The following ASXL3 variants were observed in gnomAD, a reference collection of about 807,000 sequenced individuals.
ASXL3 encodes ASXL transcriptional regulator 3.
A neutral mutation model predicts 170.6 loss-of-function variants in ASXL3; 34 were observed. The ratio of observed to expected loss-of-function variants is 0.20; its 90% CI spans 0.15 to 0.27. The LOEUF (loss-of-function observed/expected upper bound fraction) is 0.27. Among genes scored for constraint, ASXL3 ranks in the 10% least tolerant of loss-of-function variants. ASXL3 has a pLI of 1.00. For missense variants in ASXL3, 2,592 were observed against 2,695.3 expected, an observed-to-expected ratio of 0.96 and a Z score of 0.85; for synonymous variants, 1,002 against 989.1, an observed-to-expected ratio of 1.01 and a Z score of -0.24.
chr18:33,665,395 T>C (rs1164854895), intron 5 of ASXL3, among the ~76,000 whole-genome samples: 9 of 152,206 alleles, frequency 5.9e-5, no homozygotes, highest in African/African-American at 2.2e-4. Flanking sequence ...GATAGTAGTT[T>C]CTGAACATGG....
chr18:33,596,333 C>T (rs2065126479), intron 1 of ASXL3, among the ~76,000 whole-genome samples: 1 of 152,052 alleles, frequency 6.6e-6, no homozygotes, highest in African/African-American at 2.4e-5. Context: ...ATGGTAATGG[C>T]AAATTTTATT....
chr18:33,582,733 TG>T (rs879341513), intron 1 of ASXL3, among the ~76,000 whole-genome samples: 3,899 of 150,718 alleles, frequency 0.026, 61 homozygotes, highest in East Asian at 0.035. Context: ...TGTGTGTGTG[TG>T]TGTGTGTTTT....
At chr18:33,672,711 T>C (rs1482200074) in intron 7 of ASXL3, among the ~76,000 whole-genome samples, 1 of 152,240 alleles carries the variant, frequency 6.6e-6, no homozygotes, top group Non-Finnish European at 1.5e-5. Flanking sequence ...GTTCTGCCAC[T>C]TACTTTCTTG....
chr18:33,725,832 T>C (rs1477376476), intron 8 of ASXL3, among the ~76,000 whole-genome samples: 1 of 152,164 alleles, frequency 6.6e-6, no homozygotes, highest in East Asian at 1.9e-4. Flanking sequence ...CATCTTTTTG[T>C]CTCATCTTTC....
At chr18:33,610,997 A>G (rs143434301) in intron 2 of ASXL3, among the ~76,000 whole-genome samples, 1 of 152,210 alleles carries the variant, frequency 6.6e-6, no homozygotes, top group African/African-American at 2.4e-5. Context: ...CTACATTATA[A>G]TTTTGTTAAA....
chr18:33,701,155 A>G (rs2145326252), intron 8 of ASXL3, among the ~76,000 whole-genome samples: 1 of 152,146 alleles, frequency 6.6e-6, no homozygotes, highest in Non-Finnish European at 1.5e-5. Context: ...TTAATAATAT[A>G]TGAATATCCT....
At position 33,664,573 on chromosome 18, in the gene ASXL3, T is replaced by A. The variant is rs78793040; in HGVS notation, c.477+2836T>A. On this transcript the variant is annotated intron_variant, in intron 5 of 11. Transcript: ENST00000269197. Reference sequence around the variant, plus strand: ...GCGTAGACTCTTAGAAATAAGTAGATTTAAAAAATTCCTAAAACCAAATAG... The same window carrying A: ...GCGTAGACTCTTAGAAATAAGTAGAATTAAAAAATTCCTAAAACCAAATAG... Among the ~76,000 whole-genome samples the A allele has an allele frequency of 4.0e-4, 61 of 152,254 alleles. No homozygotes were observed. The East Asian group carries it at 0.011, about 28-fold the overall frequency.
At chr18:33,586,321 C>G (rs1342606399) in intron 1 of ASXL3, among the ~76,000 whole-genome samples, 1 of 151,886 alleles carries the variant, frequency 6.6e-6, no homozygotes, top group East Asian at 1.9e-4. Context: ...CTCTTTGTGA[C>G]CCTCCACCCC....
chr18:33,693,910 G>A (rs1357127623), intron 8 of ASXL3, among the ~76,000 whole-genome samples: 7 of 152,138 alleles, frequency 4.6e-5, no homozygotes, highest in Admixed American at 4.6e-4. Context: ...GGAAAGTAAG[G>A]TTGGAGGAGC....
At chr18:33,643,392 A>T (rs2065874517) in intron 2 of ASXL3, among the ~76,000 whole-genome samples, 1 of 151,842 alleles carries the variant, frequency 6.6e-6, no homozygotes, top group Non-Finnish European at 1.5e-5. Flanking sequence ...AACTTGTAGG[A>T]GCTTCATGAG....
chr18:33,649,555 A>G (rs887772197), intron 4 of ASXL3: 5 of 152,146 alleles, frequency 3.3e-5, no homozygotes, highest in South Asian at 2.1e-4. Context: ...ACCAACCTAC[A>G]TGGTTGTCCA....
chr18:33,661,307 C>T (rs1177605178), intron 4 of ASXL3, among the ~76,000 whole-genome samples: 1 of 151,912 alleles, frequency 6.6e-6, no homozygotes, highest in Non-Finnish European at 1.5e-5. Flanking sequence ...CAAATAGTAC[C>T]TACTGACTCC....
At position 33,746,401 on chromosome 18, in the gene ASXL3, G is replaced by A; in HGVS notation, c.6553G>A (p.Ala2185Thr). ...GATTTTGGGAAGTGGCTCCAATCCT[G>A]CCACAGGCTTGTCTGGTCAGAACGC... The part of the protein sequence containing the change: ...IGILGSGSNP[A>T]TGLSGQNAQM... The change falls in exon 12 of 12, where the codon GCC (alanine) becomes ACC (threonine). Residue 2185 changes from alanine to threonine, a missense_variant. Physicochemically the swap from Ala to Thr is moderately conservative, Grantham distance 58. Coordinates refer to ENST00000269197, the MANE Select transcript of ASXL3 (RefSeq NM_030632.3). 6.2e-7 allele frequency: 1 copy of A among 1,613,850 alleles called. No individual in the cohort carries two copies. The highest frequency in any genetic ancestry group is 1.1e-5 in the South Asian group (1 of 91,076).
At chr18:33,688,195 G>A (rs752575765) in intron 8 of ASXL3, among the ~76,000 whole-genome samples, 1 of 152,118 alleles carries the variant, frequency 6.6e-6, no homozygotes, top group East Asian at 1.9e-4. Context: ...AACCCAGTAC[G>A]CCTGTCCTTG....
At chr18:33,700,265 C>T (rs73955180) in intron 8 of ASXL3, among the ~76,000 whole-genome samples, 3,355 of 152,038 alleles carry the variant, frequency 0.022, 62 homozygotes, top group South Asian at 0.1. Flanking sequence ...CTTACTGTAA[C>T]GATCCCTGAA....
intron 8 of ASXL3, among the ~76,000 whole-genome samples, chr18:33,688,287 T>G (rs527810499): frequency 1.3e-5 from 2 of 152,126 alleles, no homozygotes; most frequent in Non-Finnish European, 2.9e-5. Context: ...AAAAATCTGT[T>G]TTTTAGAAGT....
chr18:33,746,413 T>G lies in ASXL3; in HGVS notation c.6565T>G (p.Ser2189Ala). 3.1e-6 allele frequency: 5 copies of G among 1,613,976 alleles called. No individual in the cohort carries two copies. The highest frequency in any genetic ancestry group is 4.2e-6 in the Non-Finnish European group (5 of 1,179,842). The change falls in exon 12 of 12, where the codon TCT becomes GCT. Residue 2189 changes from serine to alanine, a missense_variant. By Grantham distance (99) the Ser-to-Ala change is moderately conservative. Transcript: ENST00000269197. ...GSGSNPATGL[S>A]GQNAQMPVQN... The stretch of plus-strand genomic sequence containing the variant: ...TGGCTCCAATCCTGCCACAGGCTTG[T>G]CTGGTCAGAACGCTCAGATGCCCGT...
chr18:33,689,333 C>T (rs112789432), intron 8 of ASXL3, among the ~76,000 whole-genome samples: 5,004 of 152,244 alleles, frequency 0.033, 272 homozygotes, highest in African/African-American at 0.11. Context: ...TGTTGTCTTA[C>T]ATAAGTACAG....
At chr18:33,601,921 G>C (rs1020862856) in intron 1 of ASXL3, among the ~76,000 whole-genome samples, 1 of 151,420 alleles carries the variant, frequency 6.6e-6, no homozygotes, top group African/African-American at 2.4e-5. Context: ...CTACCAAGTA[G>C]CTGGGACTAT....
Sources: gnomAD v4.1 joint callset for allele counts (sites outside exome capture counted in the v4.1 genomes callset) on GRCh38, gnomAD v4.1.1 for gene constraint, MANE v1.5 for transcripts, NCBI Gene and HGNC (gene_info 2026-07-23, HGNC 2026-07-21) for gene names.